The following DCLK1 variants were observed in gnomAD, a reference collection of about 807,000 sequenced individuals.
DCLK1 encodes the protein doublecortin like kinase 1.
A neutral mutation model predicts 86.2 loss-of-function variants in DCLK1; 16 were observed. That is an observed-to-expected ratio of 0.19 (90% CI 0.13 to 0.28). The LOEUF is 0.28. DCLK1 is among the 10% of genes least tolerant of loss of function. The pLI is 1.00. For missense variants in DCLK1, 590 were observed against 940.2 expected (o/e 0.63, Z 4.87); for synonymous variants, 369 against 370.5 (o/e 1.00, Z 0.05).
At chr13:35,799,257 T>TGTTTG (rs142945865) in intron 15 of DCLK1, among the ~76,000 whole-genome samples, 24,957 of 151,880 alleles carry the variant, frequency 0.16, 3,143 homozygotes, top group African/African-American at 0.35. Flanking sequence ...GTTGTTTTTT[T>TGTTTG]TTTGTTTTCT....
intron 3 of DCLK1, among the ~76,000 whole-genome samples, chr13:36,102,398 G>C (rs1885250197): frequency 6.6e-6 from 1 of 152,194 alleles, no homozygotes; most frequent in Admixed American, 6.5e-5. Flanking sequence ...TGAGCCAAAA[G>C]TTAAAACTAA....
At chr13:35,795,512 C>G (rs1348220765) in intron 15 of DCLK1, among the ~76,000 whole-genome samples, 1 of 152,192 alleles carries the variant, frequency 6.6e-6, no homozygotes, top group African/African-American at 2.4e-5. Flanking sequence ...GCTCTTGGTT[C>G]ACTCTACAAG....
chr13:35,984,802 C>T (rs1242842004), intron 3 of DCLK1, among the ~76,000 whole-genome samples: 1 of 152,116 alleles, frequency 6.6e-6, no homozygotes, highest in East Asian at 1.9e-4. Context: ...TCTGTACCAG[C>T]GAATGTTCCC....
intron 3 of DCLK1, among the ~76,000 whole-genome samples, chr13:36,003,341 T>A (rs1880804511): frequency 6.6e-6 from 1 of 152,152 alleles, no homozygotes. Context: ...TCCACCCAAT[T>A]TGCTATCCTT....
chr13:35,905,344 A>G (rs890820509), intron 4 of DCLK1, among the ~76,000 whole-genome samples: 5 of 152,202 alleles, frequency 3.3e-5, no homozygotes, highest in Non-Finnish European at 7.3e-5. Flanking sequence ...CATGTGATAT[A>G]CTTTGAACTT....
intron 5 of DCLK1, among the ~76,000 whole-genome samples, chr13:35,864,070 C>T (rs1465474395): frequency 6.6e-6 from 1 of 152,118 alleles, no homozygotes; most frequent in Non-Finnish European, 1.5e-5. Flanking sequence ...GTTGCCGGTC[C>T]ACTATAGATT....
chr13:35,844,170 T>A (rs147983834), intron 6 of DCLK1, among the ~76,000 whole-genome samples: 2 of 152,320 alleles, frequency 1.3e-5, no homozygotes, highest in East Asian at 3.9e-4. Flanking sequence ...ATAAAGTTTA[T>A]GGCACAGATA....
intron 5 of DCLK1, among the ~76,000 whole-genome samples, chr13:35,862,906 C>T (rs1871506967): frequency 6.6e-6 from 1 of 152,120 alleles, no homozygotes; most frequent in Non-Finnish European, 1.5e-5. Context: ...TACATGCATA[C>T]AGTCAAGTAC....
At chr13:35,958,489 TACC>T (rs1878272500) in intron 3 of DCLK1, among the ~76,000 whole-genome samples, 1 of 142,494 alleles carries the variant, frequency 7.0e-6, no homozygotes, top group Non-Finnish European at 1.6e-5. Flanking sequence ...TCACCACCAC[TACC>T]ACCACCATCA....
chr13:35,892,496 T>C (rs891921169), intron 4 of DCLK1, among the ~76,000 whole-genome samples: 1 of 152,244 alleles, frequency 6.6e-6, no homozygotes, highest in Admixed American at 6.5e-5. Context: ...CAATGTTTTC[T>C]ATCCAATTTA....
chr13:35,818,280 A>C (rs2087314671), intron 11 of DCLK1, among the ~76,000 whole-genome samples: 1 of 152,188 alleles, frequency 6.6e-6, no homozygotes, highest in Non-Finnish European at 1.5e-5. Flanking sequence ...GAGTCATGGG[A>C]TTAAGGTGAA....
In DCLK1 at chr13:36,003,675, T is replaced by G. The variant is rs1157691075; in HGVS notation, c.724-56218A>C. Among the ~76,000 whole-genome samples the G allele has an allele frequency of 2.6e-5, 4 of 152,154 alleles. No homozygotes were observed. The East Asian group carries it at 5.8e-4, about 22-fold the overall frequency. ...CAAAATTATATTAAAGAATATTGAT[T>G]GAAAAACTACACAATATATGGATAA... On this transcript the variant is annotated intron_variant, in intron 3 of 16. Coordinates refer to ENST00000360631, the MANE Select transcript of DCLK1 (RefSeq NM_001330071.2).
chr13:36,015,692 AG>A (rs1446421036), intron 3 of DCLK1, among the ~76,000 whole-genome samples: 1 of 152,126 alleles, frequency 6.6e-6, no homozygotes, highest in Non-Finnish European at 1.5e-5. Context: ...CTACCAATCT[AG>A]GGCTTACCTG....
chr13:35,993,785 T>C (rs1880350709), intron 3 of DCLK1, among the ~76,000 whole-genome samples: 1 of 151,560 alleles, frequency 6.6e-6, no homozygotes, highest in South Asian at 2.1e-4. Context: ...GAACTACCTA[T>C]CATATGGTGC....
intron 3 of DCLK1, among the ~76,000 whole-genome samples, chr13:36,028,090 G>T (rs1430591935): frequency 6.6e-6 from 1 of 152,142 alleles, no homozygotes; most frequent in Admixed American, 6.5e-5. Context: ...TAATCAAGTT[G>T]ATGTTTTAGA....
chr13:36,029,266 A>G (rs1163371081), intron 3 of DCLK1, among the ~76,000 whole-genome samples: 1 of 151,902 alleles, frequency 6.6e-6, no homozygotes, highest in African/African-American at 2.4e-5. Context: ...TCTATTGCAC[A>G]CTCTCACGGC....
At chr13:35,815,822 A>G (rs1329680898) in intron 11 of DCLK1, among the ~76,000 whole-genome samples, 5 of 152,212 alleles carry the variant, frequency 3.3e-5, no homozygotes, top group Admixed American at 2.6e-4. Context: ...ATAATAAAAA[A>G]ATTTATACCT....
chr13:35,802,752 C>T (rs987317776), intron 15 of DCLK1, among the ~76,000 whole-genome samples: 3 of 152,074 alleles, frequency 2.0e-5, no homozygotes, highest in South Asian at 4.2e-4. Flanking sequence ...GCTCTTTAAG[C>T]ATCATTAAAA....
At chr13:36,038,150 T>C (rs753094110) in intron 3 of DCLK1, among the ~76,000 whole-genome samples, 2 of 152,220 alleles carry the variant, frequency 1.3e-5, no homozygotes, top group African/African-American at 2.4e-5. Flanking sequence ...TTTCTCATTT[T>C]ATGAACAAGG....
Sources: allele counts gnomAD v4.1 joint callset (sites outside exome capture counted in the v4.1 genomes callset), GRCh38; gene constraint gnomAD v4.1.1; transcripts MANE v1.5; gene names NCBI Gene and HGNC (gene_info 2026-07-23, HGNC 2026-07-21).